Variants in KAZN observed in about 807,000 individuals in gnomAD.
KAZN encodes the protein kazrin.
KAZN carries 40 observed loss-of-function variants against 87.4 expected under a neutral mutation model. That is an observed-to-expected ratio of 0.46 (90% CI 0.36 to 0.60). The LOEUF (loss-of-function observed/expected upper bound fraction) is 0.60, where lower values mean the gene tolerates loss of function less well. KAZN is among the 20% of genes least tolerant of loss of function. The pLI is 0.00. For synonymous variants in KAZN, 466 were observed against 458.3 expected (o/e 1.02, Z -0.22); for missense variants, 898 against 1,073.9 (o/e 0.84, Z 2.29).
chr1:14,811,702 A>T (rs886866420), intron 1 of KAZN, among the ~76,000 whole-genome samples: 5 of 152,204 alleles, frequency 3.3e-5, no homozygotes, highest in African/African-American at 1.2e-4. Context: ...ACAAGAATGC[A>T]TCTTCATATT....
At chr1:14,028,869 A>G (rs1355096065) in intron 1 of KAZN, among the ~76,000 whole-genome samples, 1 of 151,996 alleles carries the variant, frequency 6.6e-6, no homozygotes, top group Non-Finnish European at 1.5e-5. Context: ...AATCCAGTCT[A>G]TCATTGTTGG....
chr1:14,401,370 A>C (rs1425890307), intron 2 of KAZN, among the ~76,000 whole-genome samples: 1 of 151,832 alleles, frequency 6.6e-6, no homozygotes, highest in Non-Finnish European at 1.5e-5. Context: ...TGCTGATATA[A>C]GGATTATATC....
chr1:14,903,445 C>G (rs1656157309), intron 1 of KAZN, among the ~76,000 whole-genome samples: 1 of 152,182 alleles, frequency 6.6e-6, no homozygotes, highest in Non-Finnish European at 1.5e-5. Context: ...GTGCCACTTC[C>G]CTCTGTCCTG....
chr1:14,228,595 G>C (rs1179162466), intron 2 of KAZN, among the ~76,000 whole-genome samples: 2 of 152,192 alleles, frequency 1.3e-5, no homozygotes, highest in Non-Finnish European at 2.9e-5. Context: ...ATTCAAAATA[G>C]ATGTGAAAAT....
At chr1:14,687,513 A>G (rs1641023049) in intron 1 of KAZN, among the ~76,000 whole-genome samples, 1 of 152,180 alleles carries the variant, frequency 6.6e-6, no homozygotes, top group African/African-American at 2.4e-5. Context: ...GGAGAGGGGG[A>G]AAAGCGTGTG....
intron 1 of KAZN, among the ~76,000 whole-genome samples, chr1:13,916,915 C>T (rs1639874364): frequency 6.6e-6 from 1 of 152,076 alleles, no homozygotes; most frequent in South Asian, 2.1e-4. Context: ...GGCTGCAACT[C>T]ACAAGACTTT....
intron 3 of KAZN, among the ~76,000 whole-genome samples, chr1:15,039,108 A>G (rs1272536634): frequency 6.6e-6 from 1 of 152,082 alleles, no homozygotes; most frequent in Non-Finnish European, 1.5e-5. Flanking sequence ...GTATACAGAC[A>G]TGAATGTGAT....
intron 2 of KAZN, among the ~76,000 whole-genome samples, chr1:14,552,422 C>T (rs950381757): frequency 1.6e-4 from 24 of 152,354 alleles, no homozygotes; most frequent in African/African-American, 5.3e-4. Flanking sequence ...CTCCGTACCA[C>T]GGCTCCCCTT....
chr1:14,633,395 C>T (rs1024298054), intron 1 of KAZN, among the ~76,000 whole-genome samples: 2 of 152,140 alleles, frequency 1.3e-5, no homozygotes, highest in African/African-American at 4.8e-5. Flanking sequence ...CGTGTGACAG[C>T]AGCAGCAGAG....
At chr1:15,001,886 T>C (rs1386509704) in intron 2 of KAZN, among the ~76,000 whole-genome samples, 1 of 141,656 alleles carries the variant, frequency 7.1e-6, no homozygotes, top group Admixed American at 7.1e-5. Context: ...TTTTTTTTTT[T>C]TTTTTTTTTT....
At chr1:14,628,181 G>A (rs1281646401) in intron 1 of KAZN, among the ~76,000 whole-genome samples, 1 of 152,196 alleles carries the variant, frequency 6.6e-6, no homozygotes, top group Non-Finnish European at 1.5e-5. Context: ...AGTGGATCCG[G>A]GTGCAGTTCT....
intron 2 of KAZN, among the ~76,000 whole-genome samples, chr1:14,326,646 C>G (rs1277826866): frequency 6.6e-6 from 1 of 152,156 alleles, no homozygotes; most frequent in Non-Finnish European, 1.5e-5. Flanking sequence ...CCTGGTACCT[C>G]TCTCACCTCT....
At chr1:14,585,557 G>A (rs560261828) in intron 2 of KAZN, among the ~76,000 whole-genome samples, 3 of 152,166 alleles carry the variant, frequency 2.0e-5, no homozygotes, top group African/African-American at 7.2e-5. Context: ...CACATTCAAG[G>A]TCCCTGCTTG....
intron 2 of KAZN, among the ~76,000 whole-genome samples, chr1:14,459,432 A>C (rs1667743722): frequency 6.6e-6 from 1 of 151,620 alleles, no homozygotes; most frequent in African/African-American, 2.4e-5. Context: ...GCAGCTCTGC[A>C]CTCTTCCCCC....
intron 1 of KAZN, among the ~76,000 whole-genome samples, chr1:14,835,332 G>C (rs192336546): frequency 3.0e-3 from 461 of 152,290 alleles, no homozygotes; most frequent in Non-Finnish European, 4.9e-3. Flanking sequence ...GGTTACCGCA[G>C]AGCAAATTCA....
chr1:14,731,043 G>A (rs750991028), intron 1 of KAZN, among the ~76,000 whole-genome samples: 37 of 152,118 alleles, frequency 2.4e-4, no homozygotes, highest in Non-Finnish European at 4.6e-4. Context: ...CCTTTGTGAT[G>A]TATTGTTACA....
At chr1:14,616,187 G>A (rs1378000449) in intron 1 of KAZN, among the ~76,000 whole-genome samples, 6 of 152,190 alleles carry the variant, frequency 3.9e-5, no homozygotes, top group Non-Finnish European at 7.3e-5. Context: ...AGTCTGCTGA[G>A]GCTATACAGC....
At chr1:14,120,352 A>G (rs1644725394) in intron 1 of KAZN, among the ~76,000 whole-genome samples, 1 of 152,126 alleles carries the variant, frequency 6.6e-6, no homozygotes, top group Admixed American at 6.5e-5. Context: ...GAACAGCACC[A>G]AGAGGATGAT....
chr1:14,258,608 G>A (rs1224797836), intron 2 of KAZN, among the ~76,000 whole-genome samples: 2 of 152,000 alleles, frequency 1.3e-5, no homozygotes, highest in East Asian at 3.9e-4. Context: ...TCTATACCAG[G>A]GAGAACCAAA....
Sources: allele counts gnomAD v4.1 joint callset (sites outside exome capture counted in the v4.1 genomes callset), GRCh38; gene constraint gnomAD v4.1.1; transcripts MANE v1.5; gene names NCBI Gene and HGNC (gene_info 2026-07-23, HGNC 2026-07-21).